Variants in ANLN observed in about 807,000 individuals in gnomAD.
The protein encoded by ANLN is anillin.
Under a neutral mutation model 135.1 loss-of-function variants are expected in ANLN, and 59 were observed. That is an observed-to-expected ratio of 0.44 (90% confidence interval 0.35 to 0.54). The LOEUF (loss-of-function observed/expected upper bound fraction) is 0.54. Among genes scored for constraint, ANLN ranks in the 20% least tolerant of loss-of-function variants. The pLI, the probability that ANLN is intolerant of heterozygous loss-of-function variation, is 0.00. For synonymous variants in ANLN, 406 were observed against 456.4 expected (o/e 0.89, Z 1.41); for missense variants, 1,182 against 1,340.0 (o/e 0.88, Z 1.84).
At chr7:36,444,087 C>T (rs982066903) in intron 22 of ANLN, among the ~76,000 whole-genome samples, 5 of 152,142 alleles carry the variant, frequency 3.3e-5, no homozygotes, top group African/African-American at 9.7e-5. Context: ...GTCAGGAGTT[C>T]GAGACCAGCC....
chr7:36,410,902 T>A (rs949433479), intron 6 of ANLN, among the ~76,000 whole-genome samples, 157 bp from the exon 7 acceptor site: 1 of 150,612 alleles, frequency 6.6e-6, no homozygotes, highest in Admixed American at 6.6e-5. Context: ...ATTAGAAATA[T>A]TGTCCTGAAT....
rs572615037 is a variant in ANLN at position 36,402,112 on chromosome 7, A to ATT, written c.487+2735_487+2736dup. Among the ~76,000 whole-genome samples the ATT allele has an allele frequency of 6.5e-3, 582 of 89,716 alleles. 81 individuals are homozygous for ATT. Among genetic ancestry groups the ATT allele is most frequent in the East Asian group, 0.045 (162 of 3,582 alleles). 58.9% of individuals were successfully genotyped at this position (89,716 alleles called of 152,430 possible). A position where few individuals can be genotyped will look rare whatever the true frequency, so the allele number is the denominator to read the frequency against. Reference sequence around the variant, plus strand: ...GTAACATTGCCTCTTCAATAAAGCTATTTTTTTTTTTTTTTTTGAGGTGGA... The same window carrying ATT: ...GTAACATTGCCTCTTCAATAAAGCTATTTTTTTTTTTTTTTTTTTGAGGTGGA... On this transcript the variant is annotated intron_variant, in intron 3 of 23. Transcript: ENST00000265748.
chr7:36,442,953 T>A (rs1195988484), intron 21 of ANLN, among the ~76,000 whole-genome samples: 2 of 151,470 alleles, frequency 1.3e-5, no homozygotes, highest in East Asian at 1.9e-4. Context: ...TTTTTTTTTT[T>A]AAATTAAAAG....
At chr7:36,449,433 T>G (rs973706590) in intron 22 of ANLN, 3 of 365,920 alleles carry the variant, frequency 8.2e-6, no homozygotes, top group African/African-American at 6.3e-5. Flanking sequence ...ATAAAGAGCT[T>G]TATAGGATAG....
intron 20 of ANLN, among the ~76,000 whole-genome samples, chr7:36,429,283 C>A (rs963754557): frequency 1.3e-5 from 2 of 151,988 alleles, no homozygotes; most frequent in Non-Finnish European, 2.9e-5. Flanking sequence ...TGCAGTGGCA[C>A]GATCTCGGCT....
At chr7:36,440,794 A>G (rs1478156031) in intron 21 of ANLN, among the ~76,000 whole-genome samples, 1 of 152,220 alleles carries the variant, frequency 6.6e-6, no homozygotes, top group Non-Finnish European at 1.5e-5. Flanking sequence ...AGAGGAGGAA[A>G]GTATGTGTGT....
At chr7:36,450,194 A>C (rs1789187257) in intron 23 of ANLN, among the ~76,000 whole-genome samples, 1 of 152,224 alleles carries the variant, frequency 6.6e-6, no homozygotes, top group African/African-American at 2.4e-5. Context: ...TTCCATTCCC[A>C]GAATACCCTC....
chr7:36,395,122 G>A (rs1359582765), intron 1 of ANLN, among the ~76,000 whole-genome samples: 2 of 152,044 alleles, frequency 1.3e-5, no homozygotes, highest in African/African-American at 4.8e-5. Context: ...GGCTCTATTA[G>A]TTTTGCTGCT....
In ANLN at chr7:36,406,302, C is replaced by T. The variant is rs1787185157; in HGVS notation, c.609C>T (p.Ala203=). The T allele has an allele frequency of 3.1e-6, 5 of 1,614,158 alleles. No homozygotes were observed. The East Asian group carries it at 6.7e-5, about 22-fold the overall frequency. ...CAGTTGGCAGAAGGGGCCGTCTGGC[C>T]AATCTTGCTGCAACTATTTGCTCCT... The part of the protein sequence containing the change: ...ATPVGRRGRL[A]NLAATICSWE... The change falls in exon 4 of 24, where the codon GCC becomes GCT. Residue 203 remains alanine (A), a synonymous_variant. Coordinates refer to ENST00000265748, the MANE Select transcript of ANLN (RefSeq NM_018685.5).
Position 36,420,272 on chromosome 7 carries a change from C to T in ANLN, c.1973C>T (p.Ser658Phe), listed in dbSNP as rs759362716. The T allele has an allele frequency of 4.3e-6, 7 of 1,613,944 alleles. No individual in the cohort carries two copies. The highest frequency in any genetic ancestry group is 2.2e-5 in the East Asian group (1 of 44,872). ...AGAACTCGTGTCCCTCGAGCTGAAT[C>T]TGGTGATAGCCTTGGTTCTGAAGAT... ...FQRTRVPRAESGDSLGSEDRD... is the reference protein window; with the variant it reads ...FQRTRVPRAEFGDSLGSEDRD... Residue 658 changes from serine to phenylalanine, a missense_variant, in exon 11 of 24, where the codon TCT (serine) becomes TTT (phenylalanine). By Grantham distance (155) the Ser-to-Phe change is radical. Transcript: ENST00000265748.
chr7:36,430,190 A>G (rs1340586810), intron 20 of ANLN, among the ~76,000 whole-genome samples: 1 of 152,220 alleles, frequency 6.6e-6, no homozygotes, highest in Non-Finnish European at 1.5e-5. Context: ...GAAAGAGTAT[A>G]CATGTCTTTC....
At chr7:36,424,452 A>C in intron 15 of ANLN, 93 bp from the exon 16 acceptor site, 1 of 1,038,464 alleles carries the variant, frequency 9.6e-7, no homozygotes, top group Non-Finnish European at 1.4e-6. Context: ...GGATTCCTTT[A>C]CTTAGAGTCT....
rs770424900 is a variant in ANLN, at chr7:36,406,447, A to G, written c.754A>G (p.Ser252Gly). ...AGCATCTGCTAGGATCAATAGCAGC[A>G]GTGTTAAGCAGGAAGCTACATTCTG... ...SGASARINSSSVKQEATFCSQ... is the reference protein window; with the variant it reads ...SGASARINSSGVKQEATFCSQ... The change falls in exon 4 of 24, where the codon AGT becomes GGT. Residue 252 changes from serine to glycine, a missense_variant. Ser to Gly is a moderately conservative substitution (Grantham distance 56). This residue lies in a region of ANLN where 1,022 missense variants were observed against 1,134.0 expected (regional missense o/e 0.90). Coordinates refer to ENST00000265748, the MANE Select transcript of ANLN (RefSeq NM_018685.5). The G allele has an allele frequency of 3.1e-6, 5 of 1,612,532 alleles. No homozygotes were observed. In the African/African-American group the frequency reaches 6.7e-5, roughly 22 times the overall value.
intron 5 of ANLN, 41 bp downstream of exon 5, chr7:36,407,997 T>G (rs902873788): frequency 7.0e-7 from 1 of 1,420,240 alleles, no homozygotes; most frequent in African/African-American, 1.4e-5. Context: ...CTGATTATAT[T>G]CAGGATATCT....
chr7:36,396,283 C>T lies in ANLN; in HGVS notation c.36C>T (p.Thr12=), dbSNP rs762482968. ...TTATGTAGAAACTGCTGGAGCGAACCCGTGCCAGGCGAGAGAATCTTCAGA... is the reference window on the plus strand; with the variant it reads ...TTATGTAGAAACTGCTGGAGCGAACTCGTGCCAGGCGAGAGAATCTTCAGA... ...DPFTEKLLER[T]RARRENLQRK... Residue 12 remains threonine, a synonymous_variant, in exon 2 of 24, where the codon ACC becomes ACT. Transcript: ENST00000265748. 9.4e-5 allele frequency: 151 copies of T among 1,603,262 alleles called. 1 individual carries two copies. Among genetic ancestry groups the T allele is most frequent in the Middle Eastern group, 5.0e-4 (3 of 6,010 alleles).
intron 5 of ANLN, among the ~76,000 whole-genome samples, chr7:36,410,032 A>G (rs1339836234): frequency 6.6e-6 from 1 of 152,012 alleles, no homozygotes; most frequent in Non-Finnish European, 1.5e-5. Context: ...AATAATTCCT[A>G]ATTTTCCTTC....
rs941864693 is a variant in ANLN at position 36,441,460 on chromosome 7, C to T, written c.2970+2170C>T. 9.2e-5 allele frequency among the ~76,000 whole-genome samples: 14 copies of T among 152,242 alleles called. No homozygotes were observed. The East Asian group carries it at 1.3e-3, about 15-fold the overall frequency. ...TTAGAGGTAGTAATGGAAATGTAAG[C>T]TCCTCAGCTCAGCTTCCTTTCCTGA... On this transcript the variant is annotated intron_variant, in intron 21 of 23. Coordinates refer to ENST00000265748, the MANE Select transcript of ANLN (RefSeq NM_018685.5).
At chr7:36,405,352 CTG>C (rs1307690913) in intron 3 of ANLN, among the ~76,000 whole-genome samples, 1 of 152,218 alleles carries the variant, frequency 6.6e-6, no homozygotes, top group African/African-American at 2.4e-5. Context: ...CAACTCATGA[CTG>C]TGCTTATGTG....
intron 20 of ANLN, among the ~76,000 whole-genome samples, chr7:36,432,312 T>A (rs1198448711): frequency 6.6e-6 from 1 of 152,206 alleles, no homozygotes; most frequent in African/African-American, 2.4e-5. Context: ...TGGGAACTCA[T>A]CTCCTGTCTC....
Sources: allele counts gnomAD v4.1 joint callset (sites outside exome capture counted in the v4.1 genomes callset), GRCh38; gene constraint gnomAD v4.1.1; regional missense constraint gnomAD v4.1.1; transcripts MANE v1.5; gene names NCBI Gene and HGNC (gene_info 2026-07-23, HGNC 2026-07-21).